Variants in KAZN observed in about 807,000 individuals in gnomAD.
The protein encoded by KAZN is kazrin.
A neutral mutation model predicts 87.4 loss-of-function variants in KAZN; 40 were observed. The observed-to-expected ratio is 0.46, with a 90% CI of 0.36 to 0.60. KAZN has a LOEUF of 0.60. KAZN is among the 20% of genes least tolerant of loss of function. The pLI is 0.00. For synonymous variants in KAZN, 466 were observed against 458.3 expected (o/e 1.02, Z -0.22); for missense variants, 898 against 1,073.9 (o/e 0.84, Z 2.29).
chr1:14,223,170 G>T (rs191637692), intron 2 of KAZN: 1 of 152,188 alleles, frequency 6.6e-6, no homozygotes, highest in Non-Finnish European at 1.5e-5. Context: ...ATTGCCCAGG[G>T]AAGAGGTGGT....
intron 1 of KAZN, among the ~76,000 whole-genome samples, chr1:14,033,050 C>T (rs1014722619): frequency 6.6e-6 from 1 of 152,154 alleles, no homozygotes; most frequent in African/African-American, 2.4e-5. Flanking sequence ...CTCTGTCTGC[C>T]TAACCCTGTA....
At chr1:14,717,280 C>T (rs1642844115) in intron 1 of KAZN, among the ~76,000 whole-genome samples, 1 of 151,938 alleles carries the variant, frequency 6.6e-6, no homozygotes, top group African/African-American at 2.4e-5. Context: ...CTTTCCCATA[C>T]CAGGTGCTGG....
chr1:14,141,555 G>A (rs1453180942), intron 1 of KAZN, among the ~76,000 whole-genome samples: 1 of 152,082 alleles, frequency 6.6e-6, no homozygotes, highest in Non-Finnish European at 1.5e-5. Flanking sequence ...AATGGTGGTT[G>A]TAGGACCCAT....
intron 2 of KAZN, among the ~76,000 whole-genome samples, chr1:15,023,570 C>G (rs1048577598): frequency 1.3e-5 from 2 of 152,054 alleles, no homozygotes; most frequent in South Asian, 4.1e-4. Flanking sequence ...GACCTGGAGA[C>G]AGATCTTGGG....
intron 1 of KAZN, among the ~76,000 whole-genome samples, chr1:14,178,523 T>A (rs1469033553): frequency 1.3e-5 from 2 of 152,240 alleles, no homozygotes; most frequent in East Asian, 3.8e-4. Flanking sequence ...CCCTAGAGGT[T>A]CCATTTGGTT....
intron 1 of KAZN, among the ~76,000 whole-genome samples, chr1:14,925,517 C>A (rs1659078205): frequency 6.6e-6 from 1 of 152,146 alleles, no homozygotes; most frequent in African/African-American, 2.4e-5. Context: ...GTGTTATCTC[C>A]ATGCAGATGA....
At chr1:14,010,449 G>T (rs1201912970) in intron 1 of KAZN, among the ~76,000 whole-genome samples, 2 of 152,212 alleles carry the variant, frequency 1.3e-5, no homozygotes, top group Non-Finnish European at 1.5e-5. Context: ...AAGGATGCCA[G>T]CGATGAAGCA....
At chr1:13,928,444 GC>G (rs1640368525) in intron 1 of KAZN, among the ~76,000 whole-genome samples, 1 of 152,170 alleles carries the variant, frequency 6.6e-6, no homozygotes, top group Admixed American at 6.5e-5. Context: ...TAACACTGAA[GC>G]TTAGAAAGGG....
At chr1:14,757,874 T>A (rs888082952) in intron 1 of KAZN, among the ~76,000 whole-genome samples, 9 of 152,136 alleles carry the variant, frequency 5.9e-5, no homozygotes, top group African/African-American at 2.2e-4. Flanking sequence ...ATTTGCTTTC[T>A]GTTTAAGAAG....
At chr1:14,457,819 GTTTTGTT>G (rs1489038526) in intron 2 of KAZN, among the ~76,000 whole-genome samples, 10 of 136,942 alleles carry the variant, frequency 7.3e-5, no homozygotes, top group African/African-American at 2.4e-4. Flanking sequence ...GTTGTTTTTT[GTTTTGTT>G]TTTTTTTTTG....
chr1:14,912,763 G>A (rs945511000), intron 1 of KAZN, among the ~76,000 whole-genome samples: 3 of 152,088 alleles, frequency 2.0e-5, no homozygotes, highest in Non-Finnish European at 2.9e-5. Flanking sequence ...GTTGGCATCC[G>A]GTTTAAAAAA....
At chr1:14,958,418 C>T (rs1472320887) in intron 1 of KAZN, among the ~76,000 whole-genome samples, 4 of 141,548 alleles carry the variant, frequency 2.8e-5, no homozygotes, top group African/African-American at 1.0e-4. Context: ...GGAGCACTTC[C>T]TATGTACACA....
chr1:14,819,921 G>T (rs1251536136), intron 1 of KAZN, among the ~76,000 whole-genome samples: 1 of 151,876 alleles, frequency 6.6e-6, no homozygotes, highest in African/African-American at 2.4e-5. Flanking sequence ...TGTTGGCCAG[G>T]CTGGTCTTGA....
At chr1:14,669,021 G>T (rs1455658040) in intron 1 of KAZN, among the ~76,000 whole-genome samples, 1 of 152,182 alleles carries the variant, frequency 6.6e-6, no homozygotes, top group Non-Finnish European at 1.5e-5. Context: ...ATTTTCAAAG[G>T]TTTATGCTAT....
chr1:13,968,526 C>T (rs921695514), intron 1 of KAZN, among the ~76,000 whole-genome samples: 13 of 152,154 alleles, frequency 8.5e-5, no homozygotes, highest in Non-Finnish European at 1.6e-4. Flanking sequence ...CCTCACGTGA[C>T]GGGTCTACAC....
intron 1 of KAZN, among the ~76,000 whole-genome samples, chr1:14,921,719 G>GT (rs1219904507): frequency 2.0e-5 from 3 of 152,140 alleles, no homozygotes; most frequent in Non-Finnish European, 4.4e-5. Flanking sequence ...GTTCTTGTTT[G>GT]TTTGTTTTTT....
At chr1:14,868,343 G>A (rs1188551698) in intron 1 of KAZN, among the ~76,000 whole-genome samples, 1 of 152,166 alleles carries the variant, frequency 6.6e-6, no homozygotes, top group Non-Finnish European at 1.5e-5. Flanking sequence ...TGCATCTATT[G>A]GGCAATTAGA....
intron 2 of KAZN, among the ~76,000 whole-genome samples, chr1:14,337,922 CTGTT>C (rs1166318242): frequency 2.0e-5 from 3 of 150,594 alleles, no homozygotes; most frequent in Non-Finnish European, 4.4e-5. Context: ...AGAGCCTCCT[CTGTT>C]TGAGAAATTG....
rs77425565 is a variant in KAZN, at chr1:14,501,692, T to A, written c.250-97291T>A. Reference sequence around the variant, plus strand: ...CTTCCATGATCATGAATTGAAAGAGTTAATATTGATAAATGGCAATACTCC... The same window carrying A: ...CTTCCATGATCATGAATTGAAAGAGATAATATTGATAAATGGCAATACTCC... On this transcript the variant is annotated intron_variant, in intron 2 of 16. Transcript: ENST00000636203. Among the ~76,000 whole-genome samples the A allele has an allele frequency of 8.1e-3, 1,234 of 152,024 alleles. 9 individuals are homozygous for A. Among genetic ancestry groups the A allele is most frequent in the Admixed American group, 0.014 (207 of 15,272 alleles).
Sources: gnomAD v4.1 joint callset for allele counts (sites outside exome capture counted in the v4.1 genomes callset) on GRCh38, gnomAD v4.1.1 for gene constraint, MANE v1.5 for transcripts, NCBI Gene and HGNC (gene_info 2026-07-23, HGNC 2026-07-21) for gene names.